COL3A1: variants seen among roughly 807,000 people sequenced by gnomAD.
COL3A1 encodes collagen alpha-1(III) chain.
In COL3A1, 46 loss-of-function variants were observed where a neutral mutation model predicts 200.9. That is an observed-to-expected ratio of 0.23 (90% CI 0.18 to 0.29). The LOEUF (loss-of-function observed/expected upper bound fraction) is 0.29, where lower values mean the gene tolerates loss of function less well. Among genes scored for constraint, COL3A1 ranks in the 10% least tolerant of loss-of-function variants. COL3A1 has a pLI of 1.00. For synonymous variants in COL3A1, 650 were observed against 628.0 expected, an observed-to-expected ratio of 1.03 and a Z score of -0.52; for missense variants, 1,367 against 1,917.6, an observed-to-expected ratio of 0.71 and a Z score of 5.36.
chr2:188,976,583 A>C (rs1239702088), intron 1 of COL3A1, among the ~76,000 whole-genome samples: 3 of 152,152 alleles, frequency 2.0e-5, no homozygotes, highest in Non-Finnish European at 2.9e-5. Flanking sequence ...CTGAATATAC[A>C]GCACACTGAG....
At chr2:189,008,192 A>G (rs1207524858) in intron 47 of COL3A1, 50 bp downstream of exon 47, 11 of 1,482,640 alleles carry the variant, frequency 7.4e-6, no homozygotes, top group Non-Finnish European at 9.3e-6. Context: ...CAATCTTCCA[A>G]TTTTCAGAAA....
chr2:189,001,387 T>C lies in COL3A1; in HGVS notation c.2284-10T>C, dbSNP rs1014991952. 2 of 1,612,532 alleles carry C rather than the reference T, an allele frequency of 1.2e-6. No homozygotes were observed. The highest frequency in any genetic ancestry group is 1.7e-6 in the Non-Finnish European group (2 of 1,178,776). ...TCTTCAAAATTAAAAAATATTTTTA[T>C]TTCCTCTAGGGTCCTACTGGTCCTA... On this transcript the variant is annotated splice_polypyrimidine_tract_variant and intron_variant, in intron 32 of 50. Transcript: ENST00000304636.
intron 1 of COL3A1, among the ~76,000 whole-genome samples, chr2:188,978,312 G>C (rs1296536832): frequency 6.6e-6 from 1 of 151,970 alleles, no homozygotes; most frequent in Non-Finnish European, 1.5e-5. Flanking sequence ...TTATCTACAG[G>C]CTTCTTTTTA....
chr2:188,990,446 CA>C, intron 10 of COL3A1, 86 bp downstream of exon 10: 13 of 1,013,426 alleles, frequency 1.3e-5, no homozygotes, highest in South Asian at 8.2e-5. Context: ...AATTATGTGC[CA>C]AAAAATATGA....
Position 188,991,651 on chromosome 2 carries a change from T to A in COL3A1, c.898-18T>A. ...TGTCAAGATTAGAGTAAAACCATAT[T>A]TCAATTTTACTCTGTAGGGTCCAAG... is the stretch of plus-strand genomic sequence containing the variant. On this transcript the variant is annotated intron_variant, in intron 12 of 50. Coordinates refer to ENST00000304636, the MANE Select transcript of COL3A1 (RefSeq NM_000090.4). The A allele has an allele frequency of 1.9e-6, 3 of 1,613,920 alleles. No homozygotes were observed. Among genetic ancestry groups the A allele is most frequent in the Non-Finnish European group, 2.5e-6 (3 of 1,179,890 alleles).
chr2:189,002,473 A>T, intron 35 of COL3A1, 122 bp downstream of exon 35: 1 of 843,962 alleles, frequency 1.2e-6, no homozygotes, highest in South Asian at 1.4e-5. Context: ...TCCCTATAGG[A>T]TTATTGTACC....
intron 1 of COL3A1, among the ~76,000 whole-genome samples, chr2:188,984,494 A>G (rs1282834085): frequency 3.3e-5 from 5 of 152,058 alleles, no homozygotes; most frequent in African/African-American, 9.7e-5. Flanking sequence ...AATTCTTACT[A>G]TAAATGAAAT....
In COL3A1 at chr2:189,008,981, C is replaced by T. The variant is rs137912293; in HGVS notation, c.3583C>T (p.Pro1195Ser). Residue 1195 changes from proline (P) to serine (S), a missense_variant, in exon 48 of 51, where the codon CCT becomes TCT. Transcript: ENST00000304636. ...TCCTGGACCTCCTGGTGCCCCTGGT[C>T]CTTGCTGTGGTGGTGTTGGAGCCGC... ...GPPGPPGAPGPCCGGVGAAAI... is the reference protein window; with the variant it reads ...GPPGPPGAPGSCCGGVGAAAI... 1 of 1,614,072 alleles carries T rather than the reference C, an allele frequency of 6.2e-7. No homozygotes were observed. The highest frequency in any genetic ancestry group is 8.5e-7 in the Non-Finnish European group (1 of 1,180,040).
At chr2:188,987,694 G>A (rs540236703) in intron 5 of COL3A1, among the ~76,000 whole-genome samples, 11 of 152,138 alleles carry the variant, frequency 7.2e-5, no homozygotes, top group African/African-American at 2.4e-4. Context: ...GATTTCTAGT[G>A]TGCCAATAAA....
At chr2:189,000,636 G>T (rs929296363) in intron 32 of COL3A1, among the ~76,000 whole-genome samples, 1 of 152,092 alleles carries the variant, frequency 6.6e-6, no homozygotes, top group African/African-American at 2.4e-5. Context: ...TGTATCACTG[G>T]TGAAATCTGA....
intron 21 of COL3A1, among the ~76,000 whole-genome samples, chr2:188,995,474 C>T (rs1036377381): frequency 2.6e-5 from 4 of 152,160 alleles, no homozygotes; most frequent in Admixed American, 2.0e-4. Context: ...ACAGTGAATA[C>T]TGTTTTATTA....
At position 188,990,020 on chromosome 2, in the gene COL3A1, G is replaced by A. The variant is rs41272817; in HGVS notation, c.691-76G>A. 0.018 allele frequency: 23,950 copies of A among 1,348,676 alleles called. 245 individuals carry two copies. Among genetic ancestry groups the A allele is most frequent in the African/African-American group, 0.038 (2,663 of 69,710 alleles). 83.5% of individuals were successfully genotyped at this position (1,348,676 alleles called of 1,614,324 possible). ...GAGTCCTTTGTGAGAAAAATGCAAA[G>A]TAACCATTTTGCTTATTGGCTACAA... On this transcript the variant is annotated intron_variant, in intron 8 of 50. Transcript: ENST00000304636.
At chr2:188,984,251 A>G (rs1000313891) in intron 1 of COL3A1, among the ~76,000 whole-genome samples, 1 of 152,018 alleles carries the variant, frequency 6.6e-6, no homozygotes, top group Non-Finnish European at 1.5e-5. Flanking sequence ...AAACTTTCCC[A>G]GGAAAATCTG....
At chr2:189,006,568 T>C in intron 43 of COL3A1, 116 bp downstream of exon 43, 1 of 1,029,488 alleles carries the variant, frequency 9.7e-7, no homozygotes, top group Non-Finnish European at 1.5e-6. Context: ...TCATTTGTTT[T>C]ACAGTTTTAA....
intron 1 of COL3A1, among the ~76,000 whole-genome samples, chr2:188,980,816 T>G (rs1232040875): frequency 6.6e-6 from 1 of 151,186 alleles, no homozygotes; most frequent in East Asian, 1.9e-4. Context: ...AACCAAACAT[T>G]ATTTCAATTG....
intron 26 of COL3A1, 131 bp from the exon 27 acceptor site, chr2:188,997,569 C>A: frequency 3.4e-6 from 4 of 1,161,380 alleles, no homozygotes; most frequent in Non-Finnish European, 5.1e-6. Flanking sequence ...TACATGTGTG[C>A]TTTGGGTCCA....
At chr2:189,003,502 T>G in intron 37 of COL3A1, 38 bp downstream of exon 37, 1 of 1,584,090 alleles carries the variant, frequency 6.3e-7, no homozygotes, top group Non-Finnish European at 8.7e-7. Flanking sequence ...TGAAAAGCAT[T>G]AATTGATATC....
intron 31 of COL3A1, 70 bp downstream of exon 31, chr2:188,999,647 T>G: frequency 6.6e-7 from 1 of 1,505,824 alleles, no homozygotes; most frequent in South Asian, 1.1e-5. Context: ...GCAACACTCC[T>G]GGAAAGTAAT....
chr2:188,990,695 T>C (rs1398902643), intron 10 of COL3A1, among the ~76,000 whole-genome samples: 1 of 152,208 alleles, frequency 6.6e-6, no homozygotes, highest in Admixed American at 6.5e-5. Context: ...AAATATTTCG[T>C]ACATTCAACC....
Sources: gnomAD v4.1 joint callset for allele counts (sites outside exome capture counted in the v4.1 genomes callset) on GRCh38, gnomAD v4.1.1 for gene constraint, MANE v1.5 for transcripts, NCBI Gene and HGNC (gene_info 2026-07-23, HGNC 2026-07-21) for gene names.